The following AUTS2 variants were observed in gnomAD, a reference collection of about 807,000 sequenced individuals.
AUTS2 encodes the protein autism susceptibility gene 2 protein.
AUTS2 carries 17 observed loss-of-function variants against 112.4 expected under a neutral mutation model. The observed-to-expected ratio is 0.15, with a 90% CI of 0.10 to 0.23. The LOEUF is 0.23. Among genes scored for constraint, AUTS2 ranks in the 10% least tolerant of loss-of-function variants. The pLI is 1.00. For missense variants in AUTS2, 1,510 were observed against 1,701.6 expected (o/e 0.89, Z 1.98); for synonymous variants, 751 against 702.7 (o/e 1.07, Z -1.09).
At chr7:70,623,409 T>A (rs1804776368) in intron 5 of AUTS2, among the ~76,000 whole-genome samples, 1 of 152,172 alleles carries the variant, frequency 6.6e-6, no homozygotes, top group African/African-American at 2.4e-5. Context: ...CAGAGGCAGA[T>A]TTTTAGGGTT....
intron 1 of AUTS2, among the ~76,000 whole-genome samples, chr7:69,695,146 G>C (rs1053040493): frequency 2.0e-5 from 3 of 151,836 alleles, no homozygotes; most frequent in African/African-American, 7.3e-5. Context: ...AACACAGTGA[G>C]ACTCCATTTC....
chr7:69,729,700 C>T (rs1024701033), intron 1 of AUTS2, among the ~76,000 whole-genome samples: 3 of 152,026 alleles, frequency 2.0e-5, no homozygotes, highest in Admixed American at 6.6e-5. Context: ...TTCAGTACAT[C>T]CTCTGTGTAG....
intron 2 of AUTS2, among the ~76,000 whole-genome samples, chr7:70,002,336 A>T (rs761789844): frequency 6.6e-6 from 1 of 152,170 alleles, no homozygotes; most frequent in Non-Finnish European, 1.5e-5. Flanking sequence ...TTCATAATTA[A>T]TTTTATAACT....
chr7:70,288,441 G>C (rs1788564391), intron 4 of AUTS2, among the ~76,000 whole-genome samples: 1 of 152,118 alleles, frequency 6.6e-6, no homozygotes, highest in Non-Finnish European at 1.5e-5. Flanking sequence ...TTTCCCCTTA[G>C]TAAAGAATTT....
At position 70,392,470 on chromosome 7, in the gene AUTS2, A is replaced by G. The variant is rs541096789; in HGVS notation, c.661-43282A>G. Among the ~76,000 whole-genome samples, 29 of 152,286 alleles carry G rather than the reference A, an allele frequency of 1.9e-4. No individual in the cohort carries two copies. In the East Asian group the frequency reaches 2.7e-3, roughly 14 times the overall value. ...CAGGAAGTCTCAGTGTACCATATTT[A>G]TCTGGTGAGTTTTGAAAATACTGAG... On this transcript the variant is annotated intron_variant, in intron 4 of 18. Transcript: ENST00000342771.
intron 5 of AUTS2, among the ~76,000 whole-genome samples, chr7:70,604,723 C>T (rs763376860): frequency 3.7e-4 from 57 of 152,214 alleles, no homozygotes; most frequent in Non-Finnish European, 5.9e-4. Context: ...AACCGAACCA[C>T]TCAGACCACC....
intron 2 of AUTS2, among the ~76,000 whole-genome samples, chr7:69,901,213 C>G (rs1277895662): frequency 2.0e-5 from 3 of 152,086 alleles, no homozygotes; most frequent in African/African-American, 7.2e-5. Context: ...ACTCATGCCT[C>G]TGTGTGAGAT....
At chr7:70,208,755 G>A (rs556081328) in intron 4 of AUTS2, among the ~76,000 whole-genome samples, 1 of 151,938 alleles carries the variant, frequency 6.6e-6, no homozygotes, top group South Asian at 2.1e-4. Flanking sequence ...GCCTTTTGCA[G>A]GTTGTTGGGA....
intron 5 of AUTS2, among the ~76,000 whole-genome samples, chr7:70,496,719 C>CCA (rs1798541504): frequency 5.0e-5 from 7 of 141,244 alleles, no homozygotes; most frequent in South Asian, 2.4e-4. Flanking sequence ...CGCACACACC[C>CCA]CACACATGCA....
chr7:69,988,249 A>G (rs1483473085), intron 2 of AUTS2, among the ~76,000 whole-genome samples: 1 of 152,196 alleles, frequency 6.6e-6, no homozygotes, highest in Non-Finnish European at 1.5e-5. Context: ...AGAATGTCTA[A>G]AAAGATGAGT....
At chr7:70,646,326 T>G (rs1806156573) in intron 5 of AUTS2, among the ~76,000 whole-genome samples, 1 of 152,224 alleles carries the variant, frequency 6.6e-6, no homozygotes, top group South Asian at 2.1e-4. Flanking sequence ...CCATGGGGTT[T>G]CACCAGAGGG....
intron 2 of AUTS2, among the ~76,000 whole-genome samples, chr7:70,090,628 C>T (rs1584706571): frequency 6.6e-6 from 1 of 150,868 alleles, no homozygotes; most frequent in African/African-American, 2.4e-5. Flanking sequence ...TACATAGATG[C>T]ATTTCTATGT....
At chr7:69,925,144 T>C (rs1795958314) in intron 2 of AUTS2, among the ~76,000 whole-genome samples, 1 of 152,182 alleles carries the variant, frequency 6.6e-6, no homozygotes, top group Non-Finnish European at 1.5e-5. Context: ...GATAGCCTCC[T>C]TTCCTCCCCT....
chr7:69,803,298 A>ATT (rs1790163482), intron 1 of AUTS2, among the ~76,000 whole-genome samples: 1 of 152,192 alleles, frequency 6.6e-6, no homozygotes, highest in African/African-American at 2.4e-5. Flanking sequence ...GAACTCTTGA[A>ATT]TAAATGCTGT....
chr7:70,785,991 C>T lies in AUTS2; in HGVS notation c.2261C>T (p.Ala754Val). 1.2e-6 allele frequency: 2 copies of T among 1,614,172 alleles called. No individual in the cohort carries two copies. The highest frequency in any genetic ancestry group is 1.7e-6 in the Non-Finnish European group (2 of 1,180,024). ...CGGCCGTCTACATTCACAGGCCTAGCAGCAGTTGGTGGCAATGCCTTCGGG... is the reference window on the plus strand; with the variant it reads ...CGGCCGTCTACATTCACAGGCCTAGTAGCAGTTGGTGGCAATGCCTTCGGG... ...FNRPSTFTGL[A>V]AVGGNAFGGL... The change falls in exon 17 of 19, where the codon GCA (alanine) becomes GTA (valine). Residue 754 changes from alanine (A) to valine (V), a missense_variant. Transcript: ENST00000342771.
chr7:70,303,434 G>GCACGCACACA (rs1554361425), intron 4 of AUTS2, among the ~76,000 whole-genome samples: 9 of 141,948 alleles, frequency 6.3e-5, no homozygotes, highest in African/African-American at 1.1e-4. Context: ...GCGCGCGCGC[G>GCACGCACACA]CACATACACA....
chr7:70,290,769 AT>A, intron 4 of AUTS2: 1 of 685,168 alleles, frequency 1.5e-6, no homozygotes, highest in Non-Finnish European at 2.0e-6. Flanking sequence ...CTACTAATAA[AT>A]TAGATTTTTT....
chr7:70,524,805 A>G (rs1306647578), intron 5 of AUTS2, among the ~76,000 whole-genome samples: 2 of 152,230 alleles, frequency 1.3e-5, no homozygotes, highest in African/African-American at 4.8e-5. Flanking sequence ...GAATTGTTCA[A>G]TATATGCTGT....
At chr7:69,918,431 CTT>C (rs554175266) in intron 2 of AUTS2, among the ~76,000 whole-genome samples, 96 of 152,238 alleles carry the variant, frequency 6.3e-4, no homozygotes, top group Non-Finnish European at 9.6e-4. Flanking sequence ...CCTTTGGAGT[CTT>C]TTCATTGTTA....
Sources: gnomAD v4.1 joint callset for allele counts (sites outside exome capture counted in the v4.1 genomes callset) on GRCh38, gnomAD v4.1.1 for gene constraint, MANE v1.5 for transcripts, NCBI Gene and HGNC (gene_info 2026-07-23, HGNC 2026-07-21) for gene names.